The following ARMH3 variants were observed in gnomAD, a reference collection of about 807,000 sequenced individuals.
ARMH3 encodes the protein armadillo like helical domain containing 3.
ARMH3 carries 60 observed loss-of-function variants against 99.1 expected under a neutral mutation model. The observed-to-expected ratio is 0.61, with a 90% CI of 0.49 to 0.75. The LOEUF is 0.75. ARMH3 is among the 30% of genes least tolerant of loss of function. The pLI, the probability that ARMH3 is intolerant of heterozygous loss-of-function variation, is 0.00. For synonymous variants in ARMH3, 285 were observed against 292.8 expected (o/e 0.97, Z 0.27); for missense variants, 679 against 843.1 (o/e 0.81, Z 2.41).
chr10:102,001,419 A>G (rs1367441825), intron 15 of ARMH3, among the ~76,000 whole-genome samples: 1 of 152,192 alleles, frequency 6.6e-6, no homozygotes, highest in Non-Finnish European at 1.5e-5. Context: ...CAAACAGAGG[A>G]AAAACAGGAA....
intron 2 of ARMH3, among the ~76,000 whole-genome samples, chr10:102,037,804 G>A (rs985511644): frequency 1.3e-5 from 2 of 151,972 alleles, no homozygotes; most frequent in Non-Finnish European, 2.9e-5. Context: ...GCCCGAGATG[G>A]TCTCAAACTT....
chr10:101,950,014 G>C (rs1844717531), intron 22 of ARMH3, among the ~76,000 whole-genome samples: 1 of 152,060 alleles, frequency 6.6e-6, no homozygotes, highest in African/African-American at 2.4e-5. Context: ...ACCAGATAGA[G>C]GGCATCTATG....
intron 25 of ARMH3, among the ~76,000 whole-genome samples, 159 bp from the exon 26 acceptor site, chr10:101,847,779 T>C (rs536150916): frequency 6.6e-6 from 1 of 152,248 alleles, no homozygotes; most frequent in East Asian, 1.9e-4. Flanking sequence ...TGCAGGCAAA[T>C]GAGCAAACAG....
chr10:101,991,716 C>G (rs1329830257), intron 18 of ARMH3, among the ~76,000 whole-genome samples: 2 of 152,122 alleles, frequency 1.3e-5, no homozygotes, highest in Non-Finnish European at 2.9e-5. Flanking sequence ...AATCATGTAT[C>G]AAGTTTAGAC....
intron 24 of ARMH3, among the ~76,000 whole-genome samples, chr10:101,867,190 A>T (rs2067024504): frequency 6.6e-6 from 1 of 152,192 alleles, no homozygotes; most frequent in Non-Finnish European, 1.5e-5. Flanking sequence ...TTCTTGTTAT[A>T]TGACAAGAAG....
At chr10:101,982,132 G>A (rs1846263962) in intron 19 of ARMH3, among the ~76,000 whole-genome samples, 1 of 151,328 alleles carries the variant, frequency 6.6e-6, no homozygotes, top group South Asian at 2.1e-4. Context: ...TGTAATCCCA[G>A]CACTTTGGGA....
chr10:101,878,858 C>T (rs980593914), intron 24 of ARMH3, among the ~76,000 whole-genome samples: 6 of 151,936 alleles, frequency 3.9e-5, no homozygotes, highest in Admixed American at 3.3e-4. Context: ...ATTAAGTCAT[C>T]ACGTCCCTTT....
chr10:102,055,033 A>C (rs2067805047), intron 1 of ARMH3, among the ~76,000 whole-genome samples: 1 of 147,226 alleles, frequency 6.8e-6, no homozygotes. Flanking sequence ...ACAAACAAAA[A>C]AAAAAAGGCC....
intron 8 of ARMH3, 53 bp from the exon 9 acceptor site, chr10:102,014,077 C>A: frequency 7.2e-7 from 1 of 1,390,244 alleles, no homozygotes; most frequent in Admixed American, 2.0e-5. Flanking sequence ...TAAGAAAGCC[C>A]GTTAGCTATC....
intron 12 of ARMH3, among the ~76,000 whole-genome samples, 195 bp downstream of exon 12, chr10:102,009,782 T>C (rs768028853): frequency 6.6e-6 from 1 of 152,210 alleles, no homozygotes; most frequent in Non-Finnish European, 1.5e-5. Flanking sequence ...GTTCAGCTTA[T>C]TGTCGCTCAA....
intron 23 of ARMH3, among the ~76,000 whole-genome samples, chr10:101,896,003 T>C (rs2067823620): frequency 6.6e-6 from 1 of 152,136 alleles, no homozygotes; most frequent in Non-Finnish European, 1.5e-5. Context: ...CAGTGACTCA[T>C]GCCTGCAATC....
chr10:102,035,473 G>A (rs2067232713), intron 2 of ARMH3, among the ~76,000 whole-genome samples: 1 of 152,224 alleles, frequency 6.6e-6, no homozygotes. Context: ...GGACTGTACT[G>A]CTGCCATCTC....
At chr10:102,050,899 T>C (rs111956414) in intron 1 of ARMH3, among the ~76,000 whole-genome samples, 1,538 of 146,956 alleles carry the variant, frequency 0.01, 27 homozygotes, top group African/African-American at 0.033. Context: ...GGCTCACGCC[T>C]GTAATCTCAG....
intron 24 of ARMH3, among the ~76,000 whole-genome samples, chr10:101,870,963 A>C (rs544083834): frequency 2.4e-4 from 36 of 152,200 alleles, no homozygotes; most frequent in East Asian, 7.7e-4. Context: ...CAACAAACAA[A>C]CAACCAAAAA....
chr10:101,967,356 G>A (rs914893779), intron 20 of ARMH3, among the ~76,000 whole-genome samples: 1 of 152,168 alleles, frequency 6.6e-6, no homozygotes, highest in Non-Finnish European at 1.5e-5. Context: ...CAATTACCCA[G>A]GGACATTGCC....
intron 24 of ARMH3, 30 bp from the exon 25 acceptor site, chr10:101,849,922 T>C: frequency 6.3e-7 from 1 of 1,598,416 alleles, no homozygotes; most frequent in East Asian, 2.2e-5. Flanking sequence ...AGGCAGGGCT[T>C]AGGCCATGCA....
chr10:101,958,638 G>C (rs1208117046), intron 20 of ARMH3, among the ~76,000 whole-genome samples: 1 of 152,022 alleles, frequency 6.6e-6, no homozygotes, highest in Non-Finnish European at 1.5e-5. Context: ...TGGTCCTTCT[G>C]TCTTCTCCCC....
chr10:101,990,668 T>C (rs922082237), intron 18 of ARMH3, 57 bp from the exon 19 acceptor site: 11 of 1,440,692 alleles, frequency 7.6e-6, no homozygotes, highest in Admixed American at 3.5e-5. Context: ...TTTCTTGTCT[T>C]TGAGTTGGAA....
chr10:101,914,238 C>T lies in ARMH3; in HGVS notation c.1782-24748G>A, dbSNP rs139140556. ...GCGTGGTGGCTCACACCTGTAATCC[C>T]AGCACTTTGGGAGGCCAAGGCAGGA... is the stretch of plus-strand genomic sequence containing the variant. On this transcript the variant is annotated intron_variant, in intron 23 of 25. Transcript: ENST00000370033. Among the ~76,000 whole-genome samples the T allele has an allele frequency of 9.2e-3, 1,407 of 152,176 alleles. 15 individuals carry two copies. Among genetic ancestry groups the T allele is most frequent in the African/African-American group, 0.029 (1,223 of 41,518 alleles).
Sources: gnomAD v4.1 joint callset for allele counts (sites outside exome capture counted in the v4.1 genomes callset) on GRCh38, gnomAD v4.1.1 for gene constraint, MANE v1.5 for transcripts, NCBI Gene and HGNC (gene_info 2026-07-23, HGNC 2026-07-21) for gene names.